The following PTPN1 variants were observed in gnomAD, a reference collection of about 807,000 sequenced individuals.
The protein encoded by PTPN1 is protein tyrosine phosphatase non-receptor type 1.
A neutral mutation model predicts 59.9 loss-of-function variants in PTPN1; 12 were observed. The observed-to-expected ratio is 0.20, with a 90% CI of 0.13 to 0.32. The LOEUF (loss-of-function observed/expected upper bound fraction) is 0.32. PTPN1 is among the 10% of genes least tolerant of loss of function. The pLI is 1.00. For synonymous variants in PTPN1, 178 were observed against 203.6 expected (o/e 0.87, Z 1.07); for missense variants, 356 against 549.2 (o/e 0.65, Z 3.52).
intron 1 of PTPN1, among the ~76,000 whole-genome samples, chr20:50,531,859 C>T (rs2082602795): frequency 6.6e-6 from 1 of 152,208 alleles, no homozygotes; most frequent in Non-Finnish European, 1.5e-5. Flanking sequence ...GCTAGTGGTA[C>T]CACGGCTACC....
At chr20:50,516,495 T>A (rs2082529587) in intron 1 of PTPN1, among the ~76,000 whole-genome samples, 1 of 152,214 alleles carries the variant, frequency 6.6e-6, no homozygotes, top group Non-Finnish European at 1.5e-5. Flanking sequence ...ACAAATACAA[T>A]TTAATGTTCC....
At chr20:50,512,098 A>G (rs1271937986) in intron 1 of PTPN1, among the ~76,000 whole-genome samples, 2 of 152,222 alleles carry the variant, frequency 1.3e-5, no homozygotes, top group Non-Finnish European at 2.9e-5. Flanking sequence ...ACTGTAATCT[A>G]TATACTAATA....
intron 1 of PTPN1, among the ~76,000 whole-genome samples, chr20:50,560,630 ATT>A (rs2082747716): frequency 7.1e-6 from 1 of 139,882 alleles, no homozygotes; most frequent in Non-Finnish European, 1.6e-5. Flanking sequence ...TTTTTTTTTA[ATT>A]TTGGTAAAAC....
chr20:50,559,126 G>T (rs895652026), intron 1 of PTPN1, among the ~76,000 whole-genome samples: 3 of 150,154 alleles, frequency 2.0e-5, no homozygotes, highest in Admixed American at 6.7e-5. Flanking sequence ...CCACCTCCTG[G>T]GTTCAAGTGA....
intron 1 of PTPN1, among the ~76,000 whole-genome samples, chr20:50,530,829 G>T (rs1200557307): frequency 1.3e-5 from 2 of 152,014 alleles, no homozygotes; most frequent in East Asian, 3.8e-4. Context: ...AAGTAACTGA[G>T]ACTACAGGCA....
Position 50,541,608 on chromosome 20 carries a change from C to T in PTPN1, c.64-19755C>T, listed in dbSNP as rs141643565. ...CCGGTCGCAGGTCATCGTAGTATGG[C>T]GTGAGCTTCCTCTCTCCTTTCTGAC... On this transcript the variant is annotated intron_variant, in intron 1 of 9. Transcript: ENST00000371621. 4.7e-4 allele frequency among the ~76,000 whole-genome samples: 72 copies of T among 152,208 alleles called. No individual in the cohort carries two copies. The South Asian group carries it at 0.013, about 28-fold the overall frequency.
Position 50,574,783 on chromosome 20 carries a change from G to C in PTPN1, c.492+129G>C, listed in dbSNP as rs2082827919. ...GTATACCCCGAGCAAGATGTGGTTTGGGCACTGTGGTGAGCGGAGCTTACT... is the reference window on the plus strand; with the variant it reads ...GTATACCCCGAGCAAGATGTGGTTTCGGCACTGTGGTGAGCGGAGCTTACT... On this transcript the variant is annotated intron_variant, in intron 5 of 9. Coordinates refer to ENST00000371621, the MANE Select transcript of PTPN1 (RefSeq NM_002827.4). 5 of 1,238,860 alleles carry C rather than the reference G, an allele frequency of 4.0e-6. No homozygotes were observed. In the South Asian group the frequency reaches 7.2e-5, roughly 18 times the overall value. 76.7% of individuals were successfully genotyped at this position (1,238,860 alleles called of 1,614,324 possible). A position where few individuals can be genotyped will look rare whatever the true frequency, so the allele number is the denominator to read the frequency against.
intron 1 of PTPN1, among the ~76,000 whole-genome samples, chr20:50,518,480 C>T (rs1325213090): frequency 1.3e-5 from 2 of 152,154 alleles, no homozygotes; most frequent in African/African-American, 4.8e-5. Flanking sequence ...GCTTAGTTTG[C>T]TTCTGTAAGG....
intron 1 of PTPN1, among the ~76,000 whole-genome samples, chr20:50,546,016 T>G (rs1289373472): frequency 6.6e-6 from 1 of 151,700 alleles, no homozygotes; most frequent in Non-Finnish European, 1.5e-5. Context: ...CCACTCTAGG[T>G]GACAGAGCGA....
At chr20:50,530,980 A>G (rs1190808859) in intron 1 of PTPN1, among the ~76,000 whole-genome samples, 1 of 152,190 alleles carries the variant, frequency 6.6e-6, no homozygotes, top group East Asian at 1.9e-4. Flanking sequence ...TTGGGATTAC[A>G]GGGACAAGCC....
Position 50,582,828 on chromosome 20 carries a change from C to T in PTPN1, c.*113C>T, listed in dbSNP as rs545148155. The T allele has an allele frequency of 3.2e-5, 43 of 1,352,502 alleles. No individual in the cohort carries two copies. Among genetic ancestry groups the T allele is most frequent in the African/African-American group, 8.6e-5 (6 of 69,708 alleles). 83.8% of individuals were successfully genotyped at this position (1,352,502 alleles called of 1,614,324 possible). A position where few individuals can be genotyped will look rare whatever the true frequency, so the allele number is the denominator to read the frequency against. The stretch of plus-strand genomic sequence containing the variant: ...AGGGCCGCCGGACCGCGTAGAGAGC[C>T]GGGCCCCGGACGGACGTTGGTTCTG... On this transcript the variant is annotated 3_prime_UTR_variant, in exon 10 of 10. Coordinates refer to ENST00000371621, the MANE Select transcript of PTPN1 (RefSeq NM_002827.4). The surrounding 1 kb of genome is among the most constrained non-coding windows in gnomAD (Gnocchi z 4.2).
At chr20:50,571,191 A>G (rs865811478) in intron 4 of PTPN1, 3 of 152,278 alleles carry the variant, frequency 2.0e-5, no homozygotes, top group South Asian at 2.1e-4. Flanking sequence ...ACTGACCACA[A>G]ATGGCCCACA....
intron 1 of PTPN1, among the ~76,000 whole-genome samples, chr20:50,559,971 A>G (rs1187019243): frequency 5.3e-5 from 8 of 151,634 alleles, no homozygotes; most frequent in Non-Finnish European, 1.2e-4. Flanking sequence ...TTATTGGAGT[A>G]TGAGAACCTT....
intron 4 of PTPN1, chr20:50,570,997 C>T (rs2082805688): frequency 1.3e-5 from 2 of 152,196 alleles, no homozygotes; most frequent in South Asian, 4.1e-4. Context: ...TTATTTATTT[C>T]TTTGTTGCTA....
At chr20:50,562,681 G>A (rs1052583282) in intron 2 of PTPN1, among the ~76,000 whole-genome samples, 1 of 152,158 alleles carries the variant, frequency 6.6e-6, no homozygotes, top group African/African-American at 2.4e-5. Flanking sequence ...GCCAACACAT[G>A]GTACTCTTGA....
chr20:50,555,721 T>C (rs985424034), intron 1 of PTPN1, among the ~76,000 whole-genome samples: 4 of 151,738 alleles, frequency 2.6e-5, no homozygotes, highest in African/African-American at 9.7e-5. Flanking sequence ...TTCTTACCTC[T>C]ATTTTTTTTT....
In PTPN1 at chr20:50,582,578, C is replaced by A. The variant is rs1188504290; in HGVS notation, c.1285-114C>A. 5 of 1,065,556 alleles carry A rather than the reference C, an allele frequency of 4.7e-6. No individual in the cohort carries two copies. The highest frequency in any genetic ancestry group is 7.0e-6 in the Non-Finnish European group (5 of 717,552). The allele number at this position is 1,065,556 out of a possible 1,614,324, so 66.0% of individuals were successfully genotyped here. On this transcript the variant is annotated intron_variant, in intron 9 of 9. Transcript: ENST00000371621. The surrounding 1 kb of genome is among the most constrained non-coding windows in gnomAD (Gnocchi z 4.2). ...ACTGTAAAAAATAAAACCAAAACCCCCTTTGCTCCCTCGGAGGTTGAAGTT... is the reference window on the plus strand; with the variant it reads ...ACTGTAAAAAATAAAACCAAAACCCACTTTGCTCCCTCGGAGGTTGAAGTT...
chr20:50,579,065 C>A, intron 6 of PTPN1, 103 bp from the exon 7 acceptor site: 1 of 1,325,522 alleles, frequency 7.5e-7, no homozygotes, highest in Non-Finnish European at 1.1e-6. Context: ...CTAGGGATCA[C>A]ATTTCAGCAT....
Position 50,574,512 on chromosome 20 carries a change from C to G in PTPN1, c.355-5C>G. 1 of 1,579,174 alleles carries G rather than the reference C, an allele frequency of 6.3e-7. No individual in the cohort carries two copies. Among genetic ancestry groups the G allele is most frequent in the East Asian group, 2.3e-5 (1 of 43,566 alleles). On this transcript the variant is annotated splice_region_variant and splice_polypyrimidine_tract_variant and intron_variant, in intron 4 of 9. Transcript: ENST00000371621. The stretch of plus-strand genomic sequence containing the variant: ...ACAATAATTCACTATTATTTGTTTC[C>G]CCAGTTAAAATGCGCACAATACTGG...
Sources: gnomAD v4.1 joint callset for allele counts (sites outside exome capture counted in the v4.1 genomes callset) on GRCh38, gnomAD v4.1.1 for gene constraint, Gnocchi (gnomAD v3.1) non-coding constraint, MANE v1.5 for transcripts, NCBI Gene and HGNC (gene_info 2026-07-23, HGNC 2026-07-21) for gene names.